NKAIN3: variants seen among roughly 807,000 people sequenced by gnomAD.
NKAIN3 encodes the protein sodium/potassium transporting ATPase interacting 3.
In NKAIN3, 25 loss-of-function variants were observed where a neutral mutation model predicts 30.2. That is an observed-to-expected ratio of 0.83 (90% CI 0.60 to 1.16). The LOEUF is 1.16. NKAIN3 is among the 50% of genes most tolerant of loss of function. NKAIN3 has a pLI of 0.00. For synonymous variants in NKAIN3, 91 were observed against 89.6 expected (o/e 1.02, Z -0.09); for missense variants, 225 against 254.1 (o/e 0.89, Z 0.78).
chr8:62,513,415 A>G (rs1426705109), intron 1 of NKAIN3, among the ~76,000 whole-genome samples: 1 of 152,152 alleles, frequency 6.6e-6, no homozygotes, highest in Non-Finnish European at 1.5e-5. Context: ...GGTCATAAAT[A>G]TAAGCACAAT....
chr8:62,430,789 T>C (rs1274301103), intron 1 of NKAIN3, among the ~76,000 whole-genome samples: 1 of 151,872 alleles, frequency 6.6e-6, no homozygotes, highest in Admixed American at 6.6e-5. Context: ...AGTTCTACTC[T>C]TTGTGGTATG....
chr8:62,476,680 G>A (rs1316725732), intron 1 of NKAIN3, among the ~76,000 whole-genome samples: 1 of 151,976 alleles, frequency 6.6e-6, no homozygotes, highest in Non-Finnish European at 1.5e-5. Flanking sequence ...TGGTCTCGAT[G>A]TCCTGACCTC....
intron 4 of NKAIN3, among the ~76,000 whole-genome samples, chr8:62,831,323 G>A (rs1563583299): frequency 6.6e-6 from 1 of 152,128 alleles, no homozygotes; most frequent in African/African-American, 2.4e-5. Context: ...ATGGCTCCAT[G>A]AAAAACCTGA....
chr8:62,416,678 TTGG>T (rs1804453690), intron 1 of NKAIN3, among the ~76,000 whole-genome samples: 1 of 152,178 alleles, frequency 6.6e-6, no homozygotes, highest in South Asian at 2.1e-4. Flanking sequence ...TTATACTTTA[TTGG>T]TTATTTTAAA....
At chr8:62,293,723 C>T (rs1585644957) in intron 1 of NKAIN3, among the ~76,000 whole-genome samples, 1 of 152,294 alleles carries the variant, frequency 6.6e-6, no homozygotes, top group Non-Finnish European at 1.5e-5. Flanking sequence ...GTTCTCAGAT[C>T]TCAAACTCCG....
chr8:62,781,901 A>G (rs1338260901), intron 4 of NKAIN3, among the ~76,000 whole-genome samples: 1 of 152,080 alleles, frequency 6.6e-6, no homozygotes, highest in African/African-American at 2.4e-5. Context: ...TTTTATGGCT[A>G]TGACCTCAGA....
chr8:62,887,898 G>C (rs1386249169), intron 4 of NKAIN3, among the ~76,000 whole-genome samples: 1 of 151,936 alleles, frequency 6.6e-6, no homozygotes, highest in African/African-American at 2.4e-5. Flanking sequence ...TACTTCCTTT[G>C]TCTCTTCAAA....
At chr8:62,801,059 G>A (rs13258650) in intron 4 of NKAIN3, among the ~76,000 whole-genome samples, 77,144 of 152,148 alleles carry the variant, frequency 0.51, 22,717 homozygotes, top group Non-Finnish European at 0.67. Flanking sequence ...CAGCAAGGCT[G>A]GGGGAGGGGC....
At chr8:62,744,092 T>G (rs79343685) in intron 3 of NKAIN3, among the ~76,000 whole-genome samples, 1 of 152,208 alleles carries the variant, frequency 6.6e-6, no homozygotes, top group East Asian at 1.9e-4. Context: ...ATGGCCTGCC[T>G]TGGGGAGAAA....
At chr8:62,398,668 C>G (rs1817841207) in intron 1 of NKAIN3, among the ~76,000 whole-genome samples, 1 of 152,236 alleles carries the variant, frequency 6.6e-6, no homozygotes, top group Non-Finnish European at 1.5e-5. Context: ...CAGCAATAAA[C>G]TGTAGCGTGT....
At chr8:62,908,229 T>G (rs1255900403) in intron 4 of NKAIN3, among the ~76,000 whole-genome samples, 1 of 152,156 alleles carries the variant, frequency 6.6e-6, no homozygotes, top group Non-Finnish European at 1.5e-5. Context: ...CCATTTGCAA[T>G]AGGTGTATTT....
chr8:62,894,829 A>T (rs6998501), intron 4 of NKAIN3, among the ~76,000 whole-genome samples: 117,427 of 152,082 alleles, frequency 0.77, 46,168 homozygotes, highest in East Asian at 0.93. Flanking sequence ...TATTCTCAGG[A>T]TGTAGTTTTT....
chr8:62,926,354 C>A (rs1179865612), intron 5 of NKAIN3, among the ~76,000 whole-genome samples: 1 of 152,184 alleles, frequency 6.6e-6, no homozygotes, highest in Admixed American at 6.5e-5. Flanking sequence ...AACGGTCTCA[C>A]AAAGCTGGCT....
At chr8:62,965,041 G>T (rs180983522) in intron 6 of NKAIN3, among the ~76,000 whole-genome samples, 4 of 152,026 alleles carry the variant, frequency 2.6e-5, no homozygotes, top group Non-Finnish European at 4.4e-5. Flanking sequence ...CATAGTTTGC[G>T]CACACAACAC....
At chr8:62,318,857 T>C (rs1176020835) in intron 1 of NKAIN3, among the ~76,000 whole-genome samples, 1 of 152,176 alleles carries the variant, frequency 6.6e-6, no homozygotes, top group African/African-American at 2.4e-5. Flanking sequence ...TAAAATGAGT[T>C]AGGGAGGATT....
chr8:62,429,200 G>T (rs1302101121), intron 1 of NKAIN3, among the ~76,000 whole-genome samples: 12 of 151,768 alleles, frequency 7.9e-5, no homozygotes, highest in Non-Finnish European at 1.5e-4. Context: ...AGTGAAAGTG[G>T]GCATACTTGT....
chr8:62,856,288 A>G, intron 4 of NKAIN3: 1 of 933,236 alleles, frequency 1.1e-6, no homozygotes, highest in East Asian at 2.4e-5. Context: ...GGACCAGATT[A>G]TAAATGCCCA....
chr8:62,922,741 A>G (rs1822320694), intron 5 of NKAIN3, among the ~76,000 whole-genome samples: 1 of 148,802 alleles, frequency 6.7e-6, no homozygotes, highest in Non-Finnish European at 1.5e-5. Flanking sequence ...CTCACAGTGC[A>G]TATATTTTTT....
chr8:62,479,453 G>T (rs988954419), intron 1 of NKAIN3, among the ~76,000 whole-genome samples: 1 of 152,144 alleles, frequency 6.6e-6, no homozygotes, highest in East Asian at 1.9e-4. Context: ...CCAGATCTGA[G>T]TTCCAAAGGC....
Sources: gnomAD v4.1 joint callset for allele counts (sites outside exome capture counted in the v4.1 genomes callset) on GRCh38, gnomAD v4.1.1 for gene constraint, MANE v1.5 for transcripts, NCBI Gene and HGNC (gene_info 2026-07-23, HGNC 2026-07-21) for gene names.